The following CD109 variants were observed in gnomAD, a reference collection of about 807,000 sequenced individuals.
CD109 encodes CD109 antigen.
Under a neutral mutation model 165.8 loss-of-function variants are expected in CD109, and 149 were observed. That is an observed-to-expected ratio of 0.90 (90% CI 0.79 to 1.03). CD109 has a LOEUF of 1.03. CD109 is among the 50% of genes least tolerant of loss of function. CD109 has a pLI of 0.00. For synonymous variants in CD109, 585 were observed against 592.1 expected (o/e 0.99, Z 0.18); for missense variants, 1,712 against 1,677.8 (o/e 1.02, Z -0.36).
Position 73,768,227 on chromosome 6 carries a change from A to G in CD109, c.1670A>G (p.Asn557Ser), listed in dbSNP as rs1327682690. The change falls in exon 14 of 33, where the codon AAT becomes AGT. Residue 557 changes from asparagine (N) to serine (S), a missense_variant. By Grantham distance (46) the Asn-to-Ser change is conservative (BLOSUM62 1). Transcript: ENST00000287097. Reference protein sequence around the residue: ...LKIPVQLVFKNKIKLYWSKVK... With the variant: ...LKIPVQLVFKSKIKLYWSKVK... ...ATTCCTGTTCAGCTTGTTTTTAAAAATAAGGTAAGATTTAAGGTAATGATG... is the reference window on the plus strand; with the variant it reads ...ATTCCTGTTCAGCTTGTTTTTAAAAGTAAGGTAAGATTTAAGGTAATGATG... 1 of 1,540,672 alleles carries G rather than the reference A, an allele frequency of 6.5e-7. No homozygotes were observed. Among genetic ancestry groups the G allele is most frequent in the African/African-American group, 1.4e-5 (1 of 73,252 alleles).
At chr6:73,774,866 G>C (rs909280988) in intron 15 of CD109, among the ~76,000 whole-genome samples, 2 of 151,812 alleles carry the variant, frequency 1.3e-5, no homozygotes, top group African/African-American at 4.8e-5. Flanking sequence ...AAAGTTTTCT[G>C]CTTGCTTTTA....
intron 23 of CD109, among the ~76,000 whole-genome samples, chr6:73,802,315 T>A (rs1251153554): frequency 1.1e-4 from 16 of 139,244 alleles, no homozygotes; most frequent in South Asian, 4.6e-4. Flanking sequence ...ATTTTTTTTT[T>A]TTTTTTTTTT....
Position 73,781,297 on chromosome 6 carries a change from G to A in CD109, c.1941G>A (p.Thr647=), listed in dbSNP as rs143128634. Residue 647 remains threonine (T), a synonymous_variant, in exon 17 of 33, where the codon ACG becomes ACA. Coordinates refer to ENST00000287097, the MANE Select transcript of CD109 (RefSeq NM_133493.5). ...GLWVLTDANL[T]KDYIDGVYDN... ...GGGTATTGACAGATGCAAACCTCAC[G>A]AAGGATTATATTGATGGTGTTTGTA... The A allele has an allele frequency of 7.5e-5, 121 of 1,613,226 alleles. No individual in the cohort carries two copies. In the African/African-American group the frequency reaches 1.3e-3, roughly 17 times the overall value.
intron 13 of CD109, among the ~76,000 whole-genome samples, chr6:73,767,758 A>G (rs1235180513): frequency 6.6e-6 from 1 of 152,188 alleles, no homozygotes; most frequent in Non-Finnish European, 1.5e-5. Flanking sequence ...ATCCATGACC[A>G]TGTAATTTTG....
At chr6:73,731,985 A>G (rs546560450) in intron 4 of CD109, among the ~76,000 whole-genome samples, 1 of 152,182 alleles carries the variant, frequency 6.6e-6, no homozygotes, top group Admixed American at 6.5e-5. Context: ...TAGCACACTG[A>G]GTGCTTTCCT....
intron 2 of CD109, among the ~76,000 whole-genome samples, chr6:73,714,591 G>C (rs1484802296): frequency 1.3e-5 from 2 of 152,228 alleles, no homozygotes; most frequent in African/African-American, 4.8e-5. Flanking sequence ...CTTTGAAGAG[G>C]AATGTTTCAG....
rs80253099 is a variant in CD109 at position 73,724,405 on chromosome 6, T to A, written c.276+1126T>A. 4.8e-3 allele frequency among the ~76,000 whole-genome samples: 735 copies of A among 152,322 alleles called. 18 individuals carry two copies. The East Asian group carries it at 0.062, about 13-fold the overall frequency. On this transcript the variant is annotated intron_variant, in intron 3 of 32. Transcript: ENST00000287097. ...GGATGAATCTTCCTATAGCTTTGAT[T>A]TGGAAGTTTATACTTTCATTACTAT...
At position 73,785,210 on chromosome 6, in the gene CD109, G is replaced by A. The variant is rs148662391; in HGVS notation, c.2224-154G>A. Among the ~76,000 whole-genome samples the A allele has an allele frequency of 2.2e-4, 34 of 152,280 alleles. No homozygotes were observed. In the East Asian group the frequency reaches 5.0e-3, roughly 22 times the overall value. ...CAAGTCAATTTGCCGTCATTCATTT[G>A]TGATAAGTTGCTGTTTGCTTTCTGT... On this transcript the variant is annotated intron_variant, in intron 19 of 32. Transcript: ENST00000287097.
chr6:73,773,358 T>C (rs1180258498), intron 15 of CD109, among the ~76,000 whole-genome samples: 2 of 151,958 alleles, frequency 1.3e-5, no homozygotes. Context: ...TAAGTGTATC[T>C]TTTAAATAGC....
At chr6:73,778,723 C>A (rs1774358043) in intron 15 of CD109, among the ~76,000 whole-genome samples, 1 of 151,750 alleles carries the variant, frequency 6.6e-6, no homozygotes, top group African/African-American at 2.4e-5. Context: ...GTGGATGCAG[C>A]CATGGTTGTT....
rs1339138984 is a variant in CD109, at chr6:73,827,814, T to G, written c.*4181T>G. On this transcript the variant is annotated 3_prime_UTR_variant, in exon 33 of 33. Coordinates refer to ENST00000287097, the MANE Select transcript of CD109 (RefSeq NM_133493.5). ...TGCAAAGAACAGTTATAAATTGGTATACATGTGTCTCTGTAATAGGGATAA... is the reference window on the plus strand; with the variant it reads ...TGCAAAGAACAGTTATAAATTGGTAGACATGTGTCTCTGTAATAGGGATAA... 6.6e-6 allele frequency: 1 copy of G among 152,300 alleles called. No homozygotes were observed. The highest frequency in any genetic ancestry group is 1.9e-4 in the East Asian group (1 of 5,206). 9.4% of individuals were successfully genotyped at this position (152,300 alleles called of 1,614,324 possible).
intron 2 of CD109, among the ~76,000 whole-genome samples, chr6:73,715,546 C>T (rs186653387): frequency 9.5e-5 from 12 of 126,938 alleles, no homozygotes; most frequent in Admixed American, 2.8e-4. Flanking sequence ...GCCTGGGTGA[C>T]AGAGTGAGAC....
Position 73,807,047 on chromosome 6 carries a change from C to A in CD109, c.3164C>A (p.Ser1055Tyr). 1 of 1,612,696 alleles carries A rather than the reference C, an allele frequency of 6.2e-7. No individual in the cohort carries two copies. The highest frequency in any genetic ancestry group is 1.3e-5 in the African/African-American group (1 of 74,992). Residue 1055 changes from serine (S) to tyrosine (Y), a missense_variant, in exon 25 of 33, where the codon TCT (serine) becomes TAT (tyrosine). Transcript: ENST00000287097. ...PVTLTAYIVT[S>Y]LLGYRKYQPN... ...ACACTTACAGCCTATATTGTAACTT[C>A]TCTCCTGGGATATAGAAAGTATCAG...
At chr6:73,749,609 A>C (rs1307586746) in intron 5 of CD109, among the ~76,000 whole-genome samples, 1 of 152,216 alleles carries the variant, frequency 6.6e-6, no homozygotes, top group Non-Finnish European at 1.5e-5. Flanking sequence ...TTTGAATTTC[A>C]ATCAGTGATG....
At position 73,762,251 on chromosome 6, in the gene CD109, G is replaced by A. The variant is rs182569842; in HGVS notation, c.759-133G>A. 1.1e-3 allele frequency: 694 copies of A among 635,026 alleles called. 5 individuals carry two copies. Among genetic ancestry groups the A allele is most frequent in the African/African-American group, 0.011 (574 of 53,746 alleles). The allele number at this position is 635,026 out of a possible 1,614,324, so 39.3% of individuals were successfully genotyped here. On this transcript the variant is annotated intron_variant, in intron 7 of 32. Coordinates refer to ENST00000287097, the MANE Select transcript of CD109 (RefSeq NM_133493.5). ...GCTGGGATTACAGGCGTGAGCCACC[G>A]CTCCCAGCCCAATGTAATTTTTTAA...
intron 2 of CD109, among the ~76,000 whole-genome samples, chr6:73,721,861 C>A (rs901172711): frequency 2.0e-5 from 3 of 152,020 alleles, no homozygotes; most frequent in African/African-American, 7.3e-5. Flanking sequence ...CTCAGCTTCC[C>A]AAGTAGCTGG....
chr6:73,821,158 T>C (rs549621078), intron 32 of CD109, among the ~76,000 whole-genome samples: 6 of 151,900 alleles, frequency 3.9e-5, no homozygotes, highest in Admixed American at 1.3e-4. Flanking sequence ...GGGCCTGTCA[T>C]GGGGTTGGGG....
intron 7 of CD109, among the ~76,000 whole-genome samples, chr6:73,760,628 T>C (rs1452171619): frequency 6.6e-6 from 1 of 151,822 alleles, no homozygotes; most frequent in East Asian, 1.9e-4. Context: ...GGTGGATCAC[T>C]TGAGGTCAGG....
chr6:73,721,125 T>A (rs533006050), intron 2 of CD109, among the ~76,000 whole-genome samples: 2 of 152,254 alleles, frequency 1.3e-5, no homozygotes, highest in Non-Finnish European at 2.9e-5. Context: ...TGAAACACCA[T>A]GTTCAATATC....
Sources: allele counts gnomAD v4.1 joint callset (sites outside exome capture counted in the v4.1 genomes callset), GRCh38; gene constraint gnomAD v4.1.1; transcripts MANE v1.5; gene names NCBI Gene and HGNC (gene_info 2026-07-23, HGNC 2026-07-21).